The following ADGRA1 variants were observed in gnomAD, a reference collection of about 807,000 sequenced individuals.
ADGRA1 encodes the protein G-protein coupled receptor 123.
In ADGRA1, 12 loss-of-function variants were observed where a neutral mutation model predicts 21.3. That is an observed-to-expected ratio of 0.56 (90% CI 0.36 to 0.91). ADGRA1 has a LOEUF of 0.91. ADGRA1 is among the 40% of genes least tolerant of loss of function. The pLI, the probability that ADGRA1 is intolerant of heterozygous loss-of-function variation, is 0.01. For missense variants in ADGRA1, 790 were observed against 805.6 expected, an observed-to-expected ratio of 0.98 and a Z score of 0.23; for synonymous variants, 385 against 368.8, an observed-to-expected ratio of 1.04 and a Z score of -0.50.
intron 5 of ADGRA1, among the ~76,000 whole-genome samples, chr10:133,124,990 C>G (rs946198644): frequency 1.3e-5 from 2 of 152,238 alleles, no homozygotes; most frequent in Admixed American, 6.5e-5. Flanking sequence ...CTGCACCACT[C>G]CTGTGTGCTG....
intron 5 of ADGRA1, among the ~76,000 whole-genome samples, chr10:133,113,261 T>G (rs891047278): frequency 6.6e-6 from 1 of 152,200 alleles, no homozygotes; most frequent in African/African-American, 2.4e-5. Context: ...GTGTCAGTTA[T>G]TTGGGGTCTG....
intron 5 of ADGRA1, among the ~76,000 whole-genome samples, chr10:133,106,918 A>G (rs1206965121): frequency 6.6e-6 from 1 of 152,342 alleles, no homozygotes; most frequent in Admixed American, 6.5e-5. Context: ...TTGCATCTGA[A>G]GGCCACGTTA....
In ADGRA1 at chr10:133,088,902, C is replaced by T. The variant is rs1200249495; in HGVS notation, c.-8C>T. On this transcript the variant is annotated 5_prime_UTR_variant, in exon 2 of 7. Coordinates refer to ENST00000392607, the MANE Select transcript of ADGRA1 (RefSeq NM_001083909.3). ...CGGCGCTCACGCTTCCGCAACTTTGCAGCGCTCATGGTGAGTACGGGGGTC... is the reference window on the plus strand; with the variant it reads ...CGGCGCTCACGCTTCCGCAACTTTGTAGCGCTCATGGTGAGTACGGGGGTC... 1.6e-6 allele frequency: 2 copies of T among 1,241,844 alleles called. No homozygotes were observed. Among genetic ancestry groups the T allele is most frequent in the Non-Finnish European group, 1.0e-6 (1 of 990,234 alleles). 76.9% of individuals were successfully genotyped at this position (1,241,844 alleles called of 1,614,324 possible).
At chr10:133,100,040 C>G (rs953406912) in intron 4 of ADGRA1, among the ~76,000 whole-genome samples, 4 of 152,240 alleles carry the variant, frequency 2.6e-5, no homozygotes, top group African/African-American at 9.6e-5. Flanking sequence ...ACTACACTTC[C>G]GTGTGCCAGG....
chr10:133,128,237 G>A, intron 6 of ADGRA1, 92 bp from the exon 7 acceptor site: 1 of 959,522 alleles, frequency 1.0e-6, no homozygotes, highest in South Asian at 1.8e-5. Context: ...CACTCGCTAG[G>A]CCGGGTGGGT....
chr10:133,089,488 TC>T (rs1851562783), intron 2 of ADGRA1, among the ~76,000 whole-genome samples: 1 of 152,086 alleles, frequency 6.6e-6, no homozygotes, highest in Admixed American at 6.6e-5. Flanking sequence ...CCATCGTGGG[TC>T]CCTCCCTGAG....
At chr10:133,102,433 C>T (rs1851812886) in intron 4 of ADGRA1, 1 of 610,048 alleles carries the variant, frequency 1.6e-6, no homozygotes, top group Non-Finnish European at 3.1e-6. Flanking sequence ...GGCGTGAGTG[C>T]ACAGGCCCAT....
intron 5 of ADGRA1, among the ~76,000 whole-genome samples, chr10:133,122,340 C>T (rs573639985): frequency 1.4e-4 from 22 of 152,322 alleles, no homozygotes; most frequent in South Asian, 4.1e-4. Context: ...CCCGTTTCCC[C>T]GTGTCCCAGC....
At position 133,112,012 on chromosome 10, in the gene ADGRA1, ACCACAGACACCTCCCTCCTAATGCCT is replaced by A. The variant is rs1564849792; in HGVS notation, c.401+9174_401+9199del. ...CCTAATGCCTCCAGACCACCTGCCC[ACCACAGACACCTCCCTCCTAATGCCT>A]CCAGACCACCTGCCTGCCATGGGCA... is the stretch of plus-strand genomic sequence containing the variant. On this transcript the variant is annotated intron_variant, in intron 5 of 6. Transcript: ENST00000392607. 3.6e-3 allele frequency among the ~76,000 whole-genome samples: 318 copies of A among 89,360 alleles called. 56 individuals are homozygous for A. Among genetic ancestry groups the A allele is most frequent in the African/African-American group, 8.2e-3 (193 of 23,674 alleles). 58.6% of individuals were successfully genotyped at this position (89,360 alleles called of 152,430 possible). A position where few individuals can be genotyped will look rare whatever the true frequency, so the allele number is the denominator to read the frequency against.
intron 2 of ADGRA1, among the ~76,000 whole-genome samples, chr10:133,091,968 C>T (rs981829641): frequency 3.3e-5 from 5 of 152,190 alleles, no homozygotes; most frequent in African/African-American, 1.2e-4. Context: ...CGAGGCCGGA[C>T]CCATGTGAAG....
At chr10:133,090,831 A>T (rs1169009604) in intron 2 of ADGRA1, among the ~76,000 whole-genome samples, 1 of 152,172 alleles carries the variant, frequency 6.6e-6, no homozygotes, top group Non-Finnish European at 1.5e-5. Flanking sequence ...CCAGGCACAA[A>T]GGCATGAGTC....
At chr10:133,127,580 G>A (rs1411621024) in intron 6 of ADGRA1, among the ~76,000 whole-genome samples, 1 of 152,122 alleles carries the variant, frequency 6.6e-6, no homozygotes, top group Non-Finnish European at 1.5e-5. Flanking sequence ...GCCTTCTATG[G>A]GAGGGGCCTG....
In ADGRA1 at chr10:133,098,648, G is replaced by T; in HGVS notation, c.140G>T (p.Arg47Leu). Reference sequence around the variant, plus strand: ...CCTTTCCCGTCCCACAGCGCCATCCGCATCAGCCGCAAGGGCCGGCACACG... The same window carrying T: ...CCTTTCCCGTCCCACAGCGCCATCCTCATCAGCCGCAAGGGCCGGCACACG... The part of the protein sequence containing the change: ...VTYIVHQSAI[R>L]ISRKGRHTLL... The change falls in exon 4 of 7, where the codon CGC (arginine) becomes CTC (leucine). Residue 47 changes from arginine to leucine, a missense_variant. Arg to Leu is a moderately radical substitution (Grantham distance 102). Transcript: ENST00000392607. 6.2e-7 allele frequency: 1 copy of T among 1,608,766 alleles called. No individual in the cohort carries two copies. The highest frequency in any genetic ancestry group is 2.2e-5 in the East Asian group (1 of 44,830).
chr10:133,100,064 G>T (rs772152621), intron 4 of ADGRA1, among the ~76,000 whole-genome samples: 24 of 152,244 alleles, frequency 1.6e-4, no homozygotes, highest in Non-Finnish European at 3.4e-4. Context: ...GGACGGGCCG[G>T]GCAGGCGCTC....
intron 5 of ADGRA1, among the ~76,000 whole-genome samples, chr10:133,109,520 C>G (rs1851949755): frequency 6.6e-6 from 1 of 152,156 alleles, no homozygotes; most frequent in African/African-American, 2.4e-5. Flanking sequence ...CCTTTGAGCA[C>G]TGAGGGTCGG....
chr10:133,116,350 G>A (rs1295541191), intron 5 of ADGRA1, among the ~76,000 whole-genome samples: 5 of 151,988 alleles, frequency 3.3e-5, no homozygotes, highest in South Asian at 2.1e-4. Flanking sequence ...CTGTGCCTTC[G>A]CCTTCACTGT....
At chr10:133,100,790 G>A (rs2135875029) in intron 4 of ADGRA1, among the ~76,000 whole-genome samples, 1 of 152,342 alleles carries the variant, frequency 6.6e-6, no homozygotes, top group South Asian at 2.1e-4. Context: ...AAACCCACAT[G>A]GTCTCACTGT....
rs1247140331 is a variant in ADGRA1 at position 133,121,444 on chromosome 10, C to CGT, written c.402-5785_402-5784dup. 2.1e-5 allele frequency among the ~76,000 whole-genome samples: 3 copies of CGT among 142,546 alleles called. No homozygotes were observed. The East Asian group carries it at 6.5e-4, about 31-fold the overall frequency. 93.5% of individuals were successfully genotyped at this position (142,546 alleles called of 152,430 possible). A position where few individuals can be genotyped will look rare whatever the true frequency, so the allele number is the denominator to read the frequency against. On this transcript the variant is annotated intron_variant, in intron 5 of 6. Coordinates refer to ENST00000392607, the MANE Select transcript of ADGRA1 (RefSeq NM_001083909.3). Reference sequence around the variant, plus strand: ...TGTGGTGTGTCAGTGTGCGTGTGTGCGTGTGCGTGGAGTGTGTCAGTGTGC... The same window carrying CGT: ...TGTGGTGTGTCAGTGTGCGTGTGTGCGTGTGTGCGTGGAGTGTGTCAGTGTGC...
chr10:133,122,405 G>A lies in ADGRA1; in HGVS notation c.402-4828G>A, dbSNP rs564647208. Among the ~76,000 whole-genome samples, 23 of 152,322 alleles carry A rather than the reference G, an allele frequency of 1.5e-4. No homozygotes were observed. The East Asian group carries it at 4.5e-3, about 29-fold the overall frequency. On this transcript the variant is annotated intron_variant, in intron 5 of 6. Transcript: ENST00000392607. The stretch of plus-strand genomic sequence containing the variant: ...CAGCAGCGGGCTAGTGTGCCAGGAG[G>A]GATCACAGAGCCGGCAGCACTCAGG...
Sources: allele counts gnomAD v4.1 joint callset (sites outside exome capture counted in the v4.1 genomes callset), GRCh38; gene constraint gnomAD v4.1.1; transcripts MANE v1.5; gene names NCBI Gene and HGNC (gene_info 2026-07-23, HGNC 2026-07-21).